Variants in IL21R observed in about 807,000 individuals in gnomAD.
The protein encoded by IL21R is interleukin 21 receptor.
Under a neutral mutation model 41.3 loss-of-function variants are expected in IL21R, and 14 were observed. The ratio of observed to expected loss-of-function variants is 0.34; its 90% CI spans 0.22 to 0.53. The LOEUF (loss-of-function observed/expected upper bound fraction) is 0.53, where lower values mean the gene tolerates loss of function less well. Ranked by LOEUF, IL21R falls within the 20% of genes least tolerant of loss-of-function variation. IL21R has a pLI of 0.94. For missense variants in IL21R, 588 were observed against 681.6 expected (o/e 0.86, Z 1.53); for synonymous variants, 286 against 287.6 (o/e 0.99, Z 0.05).
chr16:27,409,908 C>T (rs1212642324), intron 1 of IL21R, among the ~76,000 whole-genome samples: 1 of 152,086 alleles, frequency 6.6e-6, no homozygotes, highest in Non-Finnish European at 1.5e-5. Flanking sequence ...TTTACTGAAA[C>T]TTTACTTCAA....
rs2086675641 is a variant in IL21R, at chr16:27,402,534, C to G, written c.-101C>G. 1 of 153,714 alleles carries G rather than the reference C, an allele frequency of 6.5e-6. No homozygotes were observed. The highest frequency in any genetic ancestry group is 1.4e-5 in the Non-Finnish European group (1 of 68,978). The allele number at this position is 153,714 out of a possible 1,614,324, so 9.5% of individuals were successfully genotyped here. ...CAGACCCTCATCTGTCACCCCCACGCTGAACCCAGCTGCCACCCCCAGAAG... is the reference window on the plus strand; with the variant it reads ...CAGACCCTCATCTGTCACCCCCACGGTGAACCCAGCTGCCACCCCCAGAAG... On this transcript the variant is annotated 5_prime_UTR_variant, in exon 1 of 9. Coordinates refer to ENST00000337929, the MANE Select transcript of IL21R (RefSeq NM_181078.3).
intron 8 of IL21R, chr16:27,448,289 T>C (rs1351772995): frequency 8.2e-6 from 4 of 489,054 alleles, no homozygotes; most frequent in Non-Finnish European, 1.1e-5. Flanking sequence ...ACCACGTCTC[T>C]ACTAAAAATA....
chr16:27,449,401 A>G lies in IL21R; in HGVS notation c.*118A>G, dbSNP rs796522509. ...CTTTGGTCTCCTGGATGGGCCTTTG[A>G]GCCTGATGTTTACAGTGTCTGTGTG... On this transcript the variant is annotated 3_prime_UTR_variant, in exon 9 of 9. Transcript: ENST00000337929. 2.8e-5 allele frequency: 28 copies of G among 996,748 alleles called. No homozygotes were observed. The African/African-American group carries it at 3.8e-4, about 13-fold the overall frequency. 61.7% of individuals were successfully genotyped at this position (996,748 alleles called of 1,614,324 possible). A position where few individuals can be genotyped will look rare whatever the true frequency, so the allele number is the denominator to read the frequency against.
At chr16:27,433,974 C>T (rs745692742) in intron 2 of IL21R, among the ~76,000 whole-genome samples, 9 of 152,116 alleles carry the variant, frequency 5.9e-5, no homozygotes, top group Non-Finnish European at 1.3e-4. Flanking sequence ...GGGTTCCTAC[C>T]ACATCTGGGG....
chr16:27,437,279 C>G (rs1371302453), intron 3 of IL21R, among the ~76,000 whole-genome samples: 2 of 152,266 alleles, frequency 1.3e-5, no homozygotes, highest in Non-Finnish European at 2.9e-5. Context: ...GCAAGCTGAG[C>G]CCGGACACAA....
chr16:27,409,011 C>G (rs2086788240), intron 1 of IL21R, among the ~76,000 whole-genome samples: 1 of 151,966 alleles, frequency 6.6e-6, no homozygotes, highest in African/African-American at 2.4e-5. Context: ...GGTTATATAA[C>G]TTGGAAGTGG....
chr16:27,421,089 T>C (rs2086992339), intron 1 of IL21R, among the ~76,000 whole-genome samples: 1 of 152,156 alleles, frequency 6.6e-6, no homozygotes, highest in South Asian at 2.1e-4. Flanking sequence ...TGAATTGTTT[T>C]GGCACCCTCA....
At position 27,402,325 on chromosome 16, in the gene IL21R, G is replaced by C. The variant is rs2086671716; in HGVS notation, c.-310G>C. The C allele has an allele frequency of 6.6e-6, 1 of 152,458 alleles. No homozygotes were observed. The highest frequency in any genetic ancestry group is 2.4e-5 in the African/African-American group (1 of 41,450). The allele number at this position is 152,458 out of a possible 1,614,324, so 9.4% of individuals were successfully genotyped here. On this transcript the variant is annotated 5_prime_UTR_variant, in exon 1 of 9. Transcript: ENST00000337929. Reference sequence around the variant, plus strand: ...ACGCAGCTGTGTCTGTCTGTCTGCGGCCCGTGCATCCCTGCTGCGGCCGCC... The same window carrying C: ...ACGCAGCTGTGTCTGTCTGTCTGCGCCCCGTGCATCCCTGCTGCGGCCGCC...
intron 1 of IL21R, chr16:27,427,434 C>A (rs2087098337): frequency 1.7e-6 from 1 of 593,518 alleles, no homozygotes; most frequent in Non-Finnish European, 2.1e-6. Context: ...CTCACTCTTT[C>A]ATTCAGGCTG....
At chr16:27,447,381 A>C (rs764754226) in intron 8 of IL21R, among the ~76,000 whole-genome samples, 7 of 152,068 alleles carry the variant, frequency 4.6e-5, no homozygotes, top group Non-Finnish European at 1.0e-4. Context: ...TTAAGGGCAC[A>C]CAGCTGAGAA....
Position 27,448,954 on chromosome 16 carries a change from T to C in IL21R, c.1288T>C (p.Cys430Arg). ...DAGTTVLSCG[C>R]VSAGSPGLGG... Reference sequence around the variant, plus strand: ...AGGGACCACAGTCCTGTCCTGTGGCTGTGTCTCAGCTGGCAGCCCTGGGCT... The same window carrying C: ...AGGGACCACAGTCCTGTCCTGTGGCCGTGTCTCAGCTGGCAGCCCTGGGCT... The change falls in exon 9 of 9, where the codon TGT becomes CGT. Residue 430 changes from cysteine to arginine, a missense_variant. Transcript: ENST00000337929. The C allele has an allele frequency of 6.2e-7, 1 of 1,613,316 alleles. No homozygotes were observed. The highest frequency in any genetic ancestry group is 1.3e-5 in the African/African-American group (1 of 75,058).
chr16:27,402,766 T>C, intron 1 of IL21R, 148 bp downstream of exon 1: 2 of 235,270 alleles, frequency 8.5e-6, no homozygotes, highest in South Asian at 1.0e-4. Flanking sequence ...GCAAAGAAGA[T>C]TCATGCAGTG....
chr16:27,409,194 A>G (rs2086791483), intron 1 of IL21R, among the ~76,000 whole-genome samples: 1 of 147,420 alleles, frequency 6.8e-6, no homozygotes, highest in Non-Finnish European at 1.5e-5. Flanking sequence ...AATAAATTAT[A>G]TATGTTTATT....
intron 1 of IL21R, among the ~76,000 whole-genome samples, chr16:27,421,753 C>T (rs1046575819): frequency 2.6e-5 from 4 of 152,056 alleles, no homozygotes; most frequent in African/African-American, 9.6e-5. Context: ...GGTTTTTGTT[C>T]GTTTTAGGTG....
chr16:27,402,532 C>T lies in IL21R; in HGVS notation c.-103C>T, dbSNP rs928050678. 1.6e-4 allele frequency: 24 copies of T among 153,840 alleles called. No homozygotes were observed. The highest frequency in any genetic ancestry group is 4.8e-4 in the African/African-American group (20 of 41,452). 9.5% of individuals were successfully genotyped at this position (153,840 alleles called of 1,614,324 possible). A position where few individuals can be genotyped will look rare whatever the true frequency, so the allele number is the denominator to read the frequency against. On this transcript the variant is annotated 5_prime_UTR_variant, in exon 1 of 9. The change creates a new upstream start codon in the 5' untranslated region. Coordinates refer to ENST00000337929, the MANE Select transcript of IL21R (RefSeq NM_181078.3). Reference sequence around the variant, plus strand: ...CTCAGACCCTCATCTGTCACCCCCACGCTGAACCCAGCTGCCACCCCCAGA... The same window carrying T: ...CTCAGACCCTCATCTGTCACCCCCATGCTGAACCCAGCTGCCACCCCCAGA...
chr16:27,442,933 A>G (rs1469359483), intron 4 of IL21R, 29 bp from the exon 5 acceptor site: 5 of 1,555,830 alleles, frequency 3.2e-6, no homozygotes, highest in East Asian at 4.7e-5. Context: ...TTCTCACCCC[A>G]TTTTCTTTTC....
At position 27,445,225 on chromosome 16, in the gene IL21R, T is replaced by C. The variant is rs138134818; in HGVS notation, c.734T>C (p.Val245Ala). The change falls in exon 7 of 9, where the codon GTC becomes GCC. Residue 245 changes from valine (V) to alanine (A), a missense_variant. Coordinates refer to ENST00000337929, the MANE Select transcript of IL21R (RefSeq NM_181078.3). ...CACCTGCTGCTTCTCCTCCTGCTTG[T>C]CATAGTCTTCATTCCTGCCTTCTGG... ...NPHLLLLLLLVIVFIPAFWSL... is the reference protein window; with the variant it reads ...NPHLLLLLLLAIVFIPAFWSL... 121 of 1,614,088 alleles carry C rather than the reference T, an allele frequency of 7.5e-5. No individual in the cohort carries two copies. The East Asian group carries it at 2.7e-3, about 35-fold the overall frequency.
chr16:27,424,024 G>A (rs989346523), intron 1 of IL21R, among the ~76,000 whole-genome samples: 8 of 152,098 alleles, frequency 5.3e-5, no homozygotes, highest in Non-Finnish European at 7.4e-5. Context: ...TTGCCAATCC[G>A]ACAAAATTAA....
rs1277184791 is a variant in IL21R, at chr16:27,445,990, C to T, written c.786-17C>T. 3 of 1,605,582 alleles carry T rather than the reference C, an allele frequency of 1.9e-6. No individual in the cohort carries two copies. The highest frequency in any genetic ancestry group is 8.5e-7 in the Non-Finnish European group (1 of 1,174,780). On this transcript the variant is annotated splice_polypyrimidine_tract_variant and intron_variant, in intron 7 of 8. Coordinates refer to ENST00000337929, the MANE Select transcript of IL21R (RefSeq NM_181078.3). ...CTCTGGTGATGTCAGGGTCCTCACC[C>T]CTCTCTGCCCCCTCAGGCTATGGAA...
Sources: allele counts gnomAD v4.1 joint callset (sites outside exome capture counted in the v4.1 genomes callset), GRCh38; gene constraint gnomAD v4.1.1; transcripts MANE v1.5; gene names NCBI Gene and HGNC (gene_info 2026-07-23, HGNC 2026-07-21).